FBLN1: variants seen among roughly 807,000 people sequenced by gnomAD.
The protein encoded by FBLN1 is fibulin 1.
In FBLN1, 34 loss-of-function variants were observed where a neutral mutation model predicts 89.7. That is an observed-to-expected ratio of 0.38 (90% CI 0.29 to 0.50). The LOEUF (loss-of-function observed/expected upper bound fraction) is 0.50. Ranked by LOEUF, FBLN1 falls within the 20% of genes least tolerant of loss-of-function variation. FBLN1 has a pLI of 0.92. For missense variants in FBLN1, 777 were observed against 988.1 expected, an observed-to-expected ratio of 0.79 and a Z score of 2.86; for synonymous variants, 393 against 391.3, an observed-to-expected ratio of 1.00 and a Z score of -0.05.
At position 45,580,884 on chromosome 22, in the gene FBLN1, C is replaced by G. The variant is rs538477743; in HGVS notation, c.1972+3776C>G. 3.9e-5 allele frequency among the ~76,000 whole-genome samples: 6 copies of G among 152,334 alleles called. No homozygotes were observed. The South Asian group carries it at 1.2e-3, about 32-fold the overall frequency. On this transcript the variant is annotated intron_variant, in intron 16 of 16. Coordinates refer to ENST00000327858, the MANE Select transcript of FBLN1 (RefSeq NM_006486.3). This position sits in a 1 kb window ranked among gnomAD's most constrained non-coding sequence, Gnocchi z 8.6. The stretch of plus-strand genomic sequence containing the variant: ...TGAAAGACCCGTTCTTAGCGGGGAT[C>G]GAGGAGCCCGCAGCAGGGCCCGCGC...
intron 1 of FBLN1, among the ~76,000 whole-genome samples, chr22:45,509,544 C>T (rs772823053): frequency 6.6e-6 from 1 of 152,122 alleles, no homozygotes; most frequent in East Asian, 1.9e-4. Context: ...AGAGGGGACA[C>T]GAGTCTGTCC....
chr22:45,516,118 G>A (rs2088166588), intron 1 of FBLN1, among the ~76,000 whole-genome samples: 1 of 152,212 alleles, frequency 6.6e-6, no homozygotes, highest in South Asian at 2.1e-4. Context: ...GGGTGGGCAG[G>A]CAGGCGGCCA....
intron 2 of FBLN1, among the ~76,000 whole-genome samples, chr22:45,519,246 A>T (rs988404232): frequency 6.6e-6 from 1 of 152,144 alleles, no homozygotes; most frequent in Non-Finnish European, 1.5e-5. Context: ...AGCAGCCAAC[A>T]TCTGGATCGA....
In FBLN1 at chr22:45,577,099, A is replaced by T. The variant is rs1301320948; in HGVS notation, c.1963A>T (p.Met655Leu). The T allele has an allele frequency of 6.2e-7, 1 of 1,614,072 alleles. No homozygotes were observed. The highest frequency in any genetic ancestry group is 2.2e-5 in the East Asian group (1 of 44,878). ...FDIIKRYMDG[M>L]TVGVVRQVRP... is the part of the protein sequence containing the mutation. ...CATCATCAAGCGTTACATGGACGGC[A>T]TGACCGTGGGTGAGTGGCTGGGAAT... The change falls in exon 16 of 17, where the codon ATG becomes TTG. Residue 655 changes from methionine to leucine, a missense_variant. By Grantham distance (15) the Met-to-Leu change is conservative. Coordinates refer to ENST00000327858, the MANE Select transcript of FBLN1 (RefSeq NM_006486.3). The surrounding 1 kb of genome is among the most constrained non-coding windows in gnomAD (Gnocchi z 6.6).
chr22:45,547,000 G>GC (rs2088637549), intron 11 of FBLN1, 85 bp from the exon 12 acceptor site: 5 of 1,601,916 alleles, frequency 3.1e-6, no homozygotes, highest in Non-Finnish European at 4.3e-6. Flanking sequence ...GTGGAGAGGA[G>GC]ATTTTCTGTT....
Position 45,531,783 on chromosome 22 carries a change from G to A in FBLN1, c.544+459G>A, listed in dbSNP as rs58172537. ...TGGTGAGGCCCTGCTGGGGAGGGTG[G>A]CCCAGGCCCAGGGCCAGAGCTGGTG... On this transcript the variant is annotated intron_variant, in intron 5 of 16. Transcript: ENST00000327858. The surrounding 1 kb of genome is among the most constrained non-coding windows in gnomAD (Gnocchi z 4.9). 0.039 allele frequency among the ~76,000 whole-genome samples: 5,925 copies of A among 152,246 alleles called. 350 individuals carry two copies. Among genetic ancestry groups the A allele is most frequent in the African/African-American group, 0.13 (5,501 of 41,520 alleles).
At chr22:45,571,941 C>A (rs2088956484) in intron 14 of FBLN1, among the ~76,000 whole-genome samples, 1 of 151,894 alleles carries the variant, frequency 6.6e-6, no homozygotes, top group African/African-American at 2.4e-5. Context: ...CTAGCCTGAC[C>A]AACATGATGA....
chr22:45,504,437 A>G (rs1460901110), intron 1 of FBLN1, among the ~76,000 whole-genome samples: 1 of 151,866 alleles, frequency 6.6e-6, no homozygotes, highest in East Asian at 1.9e-4. Flanking sequence ...GAAGAGATGG[A>G]GCTTGATGTA....
Position 45,537,578 on chromosome 22 carries a change from C to G in FBLN1, c.922+2241C>G, listed in dbSNP as rs534252098. Among the ~76,000 whole-genome samples, 1 of 151,946 alleles carries G rather than the reference C, an allele frequency of 6.6e-6. No individual in the cohort carries two copies. The highest frequency in any genetic ancestry group is 2.4e-5 in the African/African-American group (1 of 41,448). On this transcript the variant is annotated intron_variant, in intron 8 of 16. Coordinates refer to ENST00000327858, the MANE Select transcript of FBLN1 (RefSeq NM_006486.3). The surrounding 1 kb of genome is among the most constrained non-coding windows in gnomAD (Gnocchi z 5.7). ...GAGGTTGTAGTGAGCCAAGATCGTG[C>G]CACTGCACTCCAGCCTGGACAACAG...
intron 1 of FBLN1, among the ~76,000 whole-genome samples, chr22:45,514,529 C>T (rs545164122): frequency 2.2e-4 from 33 of 152,316 alleles, no homozygotes; most frequent in African/African-American, 4.1e-4. Flanking sequence ...TAACCAGCCC[C>T]GTATTTTGTG....
chr22:45,587,729 C>T (rs1046815036), intron 16 of FBLN1, among the ~76,000 whole-genome samples: 1 of 152,228 alleles, frequency 6.6e-6, no homozygotes, highest in African/African-American at 2.4e-5. Context: ...GCCCATGCCT[C>T]AGACCCCAAA....
At chr22:45,560,363 T>C (rs1229093568) in intron 14 of FBLN1, among the ~76,000 whole-genome samples, 1 of 152,220 alleles carries the variant, frequency 6.6e-6, no homozygotes, top group Non-Finnish European at 1.5e-5. Flanking sequence ...CGAAAGACAT[T>C]GGTCAAGGGT....
chr22:45,573,998 C>T (rs1051351348), intron 14 of FBLN1, among the ~76,000 whole-genome samples: 42 of 152,310 alleles, frequency 2.8e-4, no homozygotes, highest in African/African-American at 9.6e-4. Flanking sequence ...TCCCCGTCAC[C>T]TGGTGATGTG....
chr22:45,531,886 AG>A lies in FBLN1; in HGVS notation c.544+567del, dbSNP rs1203866888. On this transcript the variant is annotated intron_variant, in intron 5 of 16. Transcript: ENST00000327858. The surrounding 1 kb of genome is among the most constrained non-coding windows in gnomAD (Gnocchi z 4.9). ...CTCCCTCAGGCTCTCAGGGGAGAGG[AG>A]GGGGCTCAGCGTTCCCTGCCTTTGT... Among the ~76,000 whole-genome samples, 3 of 152,148 alleles carry A rather than the reference AG, an allele frequency of 2.0e-5. No individual in the cohort carries two copies. Among genetic ancestry groups the A allele is most frequent in the Non-Finnish European group, 4.4e-5 (3 of 68,016 alleles).
chr22:45,596,632 T>G (rs1044286781), intron 16 of FBLN1, among the ~76,000 whole-genome samples: 1 of 148,380 alleles, frequency 6.7e-6, no homozygotes, highest in Admixed American at 6.8e-5. Flanking sequence ...CATAATAATA[T>G]AATTATATAC....
At chr22:45,564,919 C>A (rs775373017) in intron 14 of FBLN1, 1 of 1,613,954 alleles carries the variant, frequency 6.2e-7, no homozygotes, top group Admixed American at 1.7e-5. Context: ...AACACCCCAG[C>A]GGGATCAAGT....
At chr22:45,541,760 C>T (rs1310489826) in intron 9 of FBLN1, among the ~76,000 whole-genome samples, 2 of 152,268 alleles carry the variant, frequency 1.3e-5, no homozygotes, top group Non-Finnish European at 2.9e-5. Flanking sequence ...GTCCTTTCCT[C>T]TCTGTGTGGG....
At chr22:45,568,113 C>T (rs138443133) in intron 14 of FBLN1, among the ~76,000 whole-genome samples, 5 of 152,204 alleles carry the variant, frequency 3.3e-5, no homozygotes, top group East Asian at 1.9e-4. Context: ...AGAGAAGGTC[C>T]GGGTAAATGT....
At chr22:45,565,249 C>A (rs1449791818) in intron 14 of FBLN1, 10 of 1,390,192 alleles carry the variant, frequency 7.2e-6, no homozygotes, top group Middle Eastern at 1.9e-4. Flanking sequence ...CCATGGTTGT[C>A]TTTTCCCAGC....
Sources: allele counts gnomAD v4.1 joint callset (sites outside exome capture counted in the v4.1 genomes callset), GRCh38; gene constraint gnomAD v4.1.1; non-coding constraint Gnocchi (gnomAD v3.1); transcripts MANE v1.5; gene names NCBI Gene and HGNC (gene_info 2026-07-23, HGNC 2026-07-21).